LDB2: variants seen among roughly 807,000 people sequenced by gnomAD.
The protein encoded by LDB2 is LIM domain binding 2.
LDB2 carries 12 observed loss-of-function variants against 44.3 expected under a neutral mutation model. The ratio of observed to expected loss-of-function variants is 0.27; its 90% confidence interval spans 0.17 to 0.44. The LOEUF (loss-of-function observed/expected upper bound fraction) is 0.44. Among genes scored for constraint, LDB2 ranks in the 20% least tolerant of loss-of-function variants. The pLI, the probability that LDB2 is intolerant of heterozygous loss-of-function variation, is 1.00. For missense variants in LDB2, 344 were observed against 473.5 expected (o/e 0.73, Z 2.54); for synonymous variants, 164 against 174.8 (o/e 0.94, Z 0.49).
intron 2 of LDB2, among the ~76,000 whole-genome samples, chr4:16,660,653 C>T (rs1741324226): frequency 6.6e-6 from 1 of 152,200 alleles, no homozygotes; most frequent in Admixed American, 6.5e-5. Context: ...TATCTCCTTA[C>T]TGCATTAATT....
intron 2 of LDB2, among the ~76,000 whole-genome samples, chr4:16,628,793 G>A (rs1305999006): frequency 1.3e-5 from 2 of 152,302 alleles, no homozygotes; most frequent in East Asian, 1.9e-4. Context: ...CCGAAGAAGG[G>A]TGGGGTGTCA....
chr4:16,547,361 G>C (rs764712154), intron 5 of LDB2, among the ~76,000 whole-genome samples: 1 of 152,256 alleles, frequency 6.6e-6, no homozygotes, highest in South Asian at 2.1e-4. Context: ...GCAAGGATAC[G>C]TTTCTGTTGA....
At chr4:16,587,299 C>G (rs1325222898) in intron 4 of LDB2, among the ~76,000 whole-genome samples, 2 of 152,160 alleles carry the variant, frequency 1.3e-5, no homozygotes, top group African/African-American at 4.8e-5. Flanking sequence ...GTCATTAACT[C>G]TTAATTCGAT....
At chr4:16,796,384 G>C (rs1776754254) in intron 1 of LDB2, among the ~76,000 whole-genome samples, 1 of 152,178 alleles carries the variant, frequency 6.6e-6, no homozygotes, top group Admixed American at 6.5e-5. Context: ...CACCTCAGTA[G>C]CAATGAGTGA....
At chr4:16,610,396 T>C (rs1725285846) in intron 2 of LDB2, among the ~76,000 whole-genome samples, 1 of 151,950 alleles carries the variant, frequency 6.6e-6, no homozygotes, top group Non-Finnish European at 1.5e-5. Flanking sequence ...CTTCAGAAGA[T>C]GGGTAATAAA....
chr4:16,545,382 C>T (rs1270440752), intron 5 of LDB2, among the ~76,000 whole-genome samples: 3 of 152,138 alleles, frequency 2.0e-5, no homozygotes, highest in Non-Finnish European at 2.9e-5. Flanking sequence ...ATAATCTAAC[C>T]GCAAAATGCA....
chr4:16,720,528 C>T (rs1411641388), intron 2 of LDB2, among the ~76,000 whole-genome samples: 1 of 152,144 alleles, frequency 6.6e-6, no homozygotes, highest in Non-Finnish European at 1.5e-5. Flanking sequence ...GACTGACACA[C>T]CTGAGTTCAA....
chr4:16,550,248 A>G (rs1046613406), intron 5 of LDB2, among the ~76,000 whole-genome samples: 6 of 152,202 alleles, frequency 3.9e-5, no homozygotes, highest in African/African-American at 1.4e-4. Flanking sequence ...CTTAGGTCCT[A>G]CTAGAATTAA....
chr4:16,647,090 A>G (rs1369102411), intron 2 of LDB2, among the ~76,000 whole-genome samples: 1 of 152,200 alleles, frequency 6.6e-6, no homozygotes, highest in Non-Finnish European at 1.5e-5. Flanking sequence ...AGTTAAACGA[A>G]ATTTGTCACA....
At chr4:16,731,352 C>T (rs1435846688) in intron 2 of LDB2, among the ~76,000 whole-genome samples, 3 of 152,110 alleles carry the variant, frequency 2.0e-5, no homozygotes, top group Non-Finnish European at 4.4e-5. Context: ...CTTCAGAATT[C>T]GTATGTTGAA....
chr4:16,731,731 T>C (rs1339421021), intron 2 of LDB2, among the ~76,000 whole-genome samples: 1 of 152,186 alleles, frequency 6.6e-6, no homozygotes, highest in African/African-American at 2.4e-5. Context: ...ACACTTGTAA[T>C]TTCCTGAAAG....
intron 2 of LDB2, among the ~76,000 whole-genome samples, chr4:16,669,152 T>C (rs796828841): frequency 6.6e-6 from 1 of 152,164 alleles, no homozygotes; most frequent in South Asian, 2.1e-4. Context: ...CCTCACAATA[T>C]TGTAAGCAAG....
chr4:16,518,017 A>G (rs1724508155), intron 5 of LDB2, among the ~76,000 whole-genome samples: 3 of 152,188 alleles, frequency 2.0e-5, no homozygotes, highest in Admixed American at 1.3e-4. Context: ...GAAGTGATGA[A>G]TTTGTTCATT....
intron 1 of LDB2, among the ~76,000 whole-genome samples, chr4:16,761,826 A>G (rs889317476): frequency 6.6e-6 from 1 of 151,988 alleles, no homozygotes; most frequent in Non-Finnish European, 1.5e-5. Flanking sequence ...GAGGCATTCC[A>G]CTTTATAAAG....
At chr4:16,615,941 C>T (rs1001939323) in intron 2 of LDB2, among the ~76,000 whole-genome samples, 2 of 152,086 alleles carry the variant, frequency 1.3e-5, no homozygotes, top group African/African-American at 4.8e-5. Context: ...CTTAATCACT[C>T]TGGTCTCAGG....
At chr4:16,849,423 T>C (rs573192399) in intron 1 of LDB2, among the ~76,000 whole-genome samples, 2 of 152,344 alleles carry the variant, frequency 1.3e-5, no homozygotes, top group South Asian at 4.1e-4. Context: ...CATTGTTTCA[T>C]TCAAAATGCC....
intron 1 of LDB2, among the ~76,000 whole-genome samples, chr4:16,791,043 C>A (rs1357331806): frequency 6.6e-6 from 1 of 152,168 alleles, no homozygotes; most frequent in Non-Finnish European, 1.5e-5. Context: ...AATCTACTTA[C>A]ATAACTACTT....
intron 2 of LDB2, among the ~76,000 whole-genome samples, chr4:16,666,515 G>A (rs956116436): frequency 2.6e-5 from 4 of 152,204 alleles, no homozygotes; most frequent in Non-Finnish European, 4.4e-5. Context: ...TGAGCTTCCT[G>A]CCATCTAAAC....
intron 1 of LDB2, among the ~76,000 whole-genome samples, chr4:16,820,408 G>C (rs981067426): frequency 3.9e-5 from 6 of 152,302 alleles, no homozygotes; most frequent in Middle Eastern, 3.4e-3. Flanking sequence ...GAAGACAAGG[G>C]AGGAACAAGA....
Sources: gnomAD v4.1 joint callset for allele counts (sites outside exome capture counted in the v4.1 genomes callset) on GRCh38, gnomAD v4.1.1 for gene constraint, MANE v1.5 for transcripts, NCBI Gene and HGNC (gene_info 2026-07-23, HGNC 2026-07-21) for gene names.